CLCN3: variants seen among roughly 807,000 people sequenced by gnomAD.
The protein encoded by CLCN3 is H(+)/Cl(-) exchange transporter 3.
A neutral mutation model predicts 83.4 loss-of-function variants in CLCN3; 16 were observed. The ratio of observed to expected loss-of-function variants is 0.19; its 90% CI spans 0.13 to 0.29. The LOEUF (loss-of-function observed/expected upper bound fraction) is 0.29, where lower values mean the gene tolerates loss of function less well. CLCN3 is among the 10% of genes least tolerant of loss of function. The pLI is 1.00. For missense variants in CLCN3, 544 were observed against 1,006.0 expected (o/e 0.54, Z 6.21); for synonymous variants, 322 against 346.2 (o/e 0.93, Z 0.78).
intron 12 of CLCN3, among the ~76,000 whole-genome samples, chr4:169,717,426 A>C (rs982970064): frequency 5.3e-5 from 8 of 152,168 alleles, no homozygotes; most frequent in African/African-American, 1.9e-4. Flanking sequence ...TTTTCCTCTG[A>C]GGAAAGAACA....
intron 12 of CLCN3, 150 bp downstream of exon 12, chr4:169,713,445 T>C (rs539378837): frequency 3.3e-6 from 2 of 611,240 alleles, no homozygotes; most frequent in East Asian, 2.8e-5. Context: ...GATCAGTCAA[T>C]CAAATTTCAC....
At chr4:169,681,938 A>C (rs1731956555) in intron 3 of CLCN3, among the ~76,000 whole-genome samples, 1 of 152,210 alleles carries the variant, frequency 6.6e-6, no homozygotes, top group Admixed American at 6.5e-5. Context: ...AAGAAATTCA[A>C]CCTCATACAC....
chr4:169,706,798 C>T (rs954271839), intron 10 of CLCN3, 70 bp from the exon 11 acceptor site: 9 of 1,402,350 alleles, frequency 6.4e-6, no homozygotes, highest in Non-Finnish European at 8.8e-6. Context: ...CTGCCTAGTG[C>T]AAAAATTCTA....
Position 169,620,824 on chromosome 4 carries a change from A to G in CLCN3, c.-256A>G, listed in dbSNP as rs1773093226. On this transcript the variant is annotated 5_prime_UTR_variant, in exon 1 of 13. Coordinates refer to ENST00000513761, the MANE Select transcript of CLCN3 (RefSeq NM_001829.4). ...CTCTAGGGATCTCCAGAGCGAGAGGATTTAACTTCATGTTGCTCCCGTGTT... is the reference window on the plus strand; with the variant it reads ...CTCTAGGGATCTCCAGAGCGAGAGGGTTTAACTTCATGTTGCTCCCGTGTT... 1 of 398,622 alleles carries G rather than the reference A, an allele frequency of 2.5e-6. No homozygotes were observed. The highest frequency in any genetic ancestry group is 4.4e-6 in the Non-Finnish European group (1 of 226,066). 24.7% of individuals were successfully genotyped at this position (398,622 alleles called of 1,614,324 possible).
rs547160017 is a variant in CLCN3 at position 169,621,563 on chromosome 4, T to C, written c.-17+500T>C. On this transcript the variant is annotated intron_variant, in intron 1 of 12. Coordinates refer to ENST00000513761, the MANE Select transcript of CLCN3 (RefSeq NM_001829.4). ...GGAGCATATAGAAGATAATTACATA[T>C]GCATTGTGCATATTAGAAACTGAGA... is the stretch of plus-strand genomic sequence containing the variant. Among the ~76,000 whole-genome samples, 6 of 152,370 alleles carry C rather than the reference T, an allele frequency of 3.9e-5. No homozygotes were observed. The East Asian group carries it at 1.2e-3, about 29-fold the overall frequency.
intron 1 of CLCN3, among the ~76,000 whole-genome samples, chr4:169,628,177 A>G (rs80274072): frequency 0.034 from 5,170 of 152,316 alleles, 316 homozygotes; most frequent in African/African-American, 0.12. Flanking sequence ...TGGATCACAG[A>G]CTGAAATATA....
Position 169,689,234 on chromosome 4 carries a change from A to G in CLCN3, c.606+4A>G. On this transcript the variant is annotated splice_donor_region_variant and intron_variant, in intron 5 of 12. Coordinates refer to ENST00000513761, the MANE Select transcript of CLCN3 (RefSeq NM_001829.4). ...ATTAATCATAGGTCAAGCAGAGGTAAGTCTTGCTTTGTCTCAAGATGAATT... is the reference window on the plus strand; with the variant it reads ...ATTAATCATAGGTCAAGCAGAGGTAGGTCTTGCTTTGTCTCAAGATGAATT... 2 of 1,602,584 alleles carry G rather than the reference A, an allele frequency of 1.2e-6. No homozygotes were observed. Among genetic ancestry groups the G allele is most frequent in the Non-Finnish European group, 1.7e-6 (2 of 1,174,006 alleles).
At chr4:169,626,679 A>C (rs1773243849) in intron 1 of CLCN3, among the ~76,000 whole-genome samples, 2 of 152,212 alleles carry the variant, frequency 1.3e-5, no homozygotes, top group Non-Finnish European at 2.9e-5. Flanking sequence ...CCAACATTAT[A>C]CAAAAGACTG....
At chr4:169,706,780 A>G (rs1028375462) in intron 10 of CLCN3, 88 bp from the exon 11 acceptor site, 2 of 1,066,302 alleles carry the variant, frequency 1.9e-6, no homozygotes, top group Middle Eastern at 2.1e-4. Context: ...TTTGCCATTT[A>G]GTTTTAACTG....
At chr4:169,719,055 G>A (rs974654212) in intron 12 of CLCN3, among the ~76,000 whole-genome samples, 1 of 152,166 alleles carries the variant, frequency 6.6e-6, no homozygotes. Context: ...TGGGATTGAC[G>A]TTCTGTGCTG....
chr4:169,624,935 G>A (rs1773194792), intron 1 of CLCN3, among the ~76,000 whole-genome samples: 1 of 152,038 alleles, frequency 6.6e-6, no homozygotes, highest in South Asian at 2.1e-4. Flanking sequence ...GGGATTACAG[G>A]TGCCCGCCAC....
At chr4:169,657,471 C>CA (rs34773136) in intron 2 of CLCN3, among the ~76,000 whole-genome samples, 17,567 of 152,040 alleles carry the variant, frequency 0.12, 1,128 homozygotes, top group East Asian at 0.17. Context: ...GATTTAAAGG[C>CA]AAAAAATTGT....
In CLCN3 at chr4:169,663,562, A is replaced by G. The variant is rs773805512; in HGVS notation, c.161-16488A>G. 2.6e-5 allele frequency: 10 copies of G among 385,792 alleles called. 2 individuals are homozygous for G. Among genetic ancestry groups the G allele is most frequent in the African/African-American group, 1.1e-4 (5 of 45,002 alleles). 23.9% of individuals were successfully genotyped at this position (385,792 alleles called of 1,614,324 possible). Reference sequence around the variant, plus strand: ...ACTATGTTGTCCAGGCTGGTCTCCAACTCCTGGGCTCAAGCAACCCTCCTG... The same window carrying G: ...ACTATGTTGTCCAGGCTGGTCTCCAGCTCCTGGGCTCAAGCAACCCTCCTG... On this transcript the variant is annotated intron_variant, in intron 2 of 12. Coordinates refer to ENST00000513761, the MANE Select transcript of CLCN3 (RefSeq NM_001829.4).
intron 2 of CLCN3, among the ~76,000 whole-genome samples, chr4:169,644,119 T>C (rs949989112): frequency 6.6e-6 from 1 of 152,228 alleles, no homozygotes; most frequent in Non-Finnish European, 1.5e-5. Context: ...TCTACTTTGT[T>C]ACACAGAATA....
intron 1 of CLCN3, among the ~76,000 whole-genome samples, chr4:169,629,678 A>G (rs1007755808): frequency 1.3e-5 from 2 of 152,186 alleles, no homozygotes; most frequent in Admixed American, 6.5e-5. Flanking sequence ...GTCTAATGTG[A>G]CATATTTTGC....
chr4:169,666,200 A>G (rs1240600512), intron 2 of CLCN3, among the ~76,000 whole-genome samples: 1 of 152,218 alleles, frequency 6.6e-6, no homozygotes, highest in Non-Finnish European at 1.5e-5. Context: ...AAATATCAGT[A>G]TATACCAAGT....
At chr4:169,675,853 C>T (rs1298205705) in intron 2 of CLCN3, among the ~76,000 whole-genome samples, 1 of 152,014 alleles carries the variant, frequency 6.6e-6, no homozygotes, top group Non-Finnish European at 1.5e-5. Context: ...GAATCTGGGC[C>T]TTTTGGTAAC....
intron 2 of CLCN3, among the ~76,000 whole-genome samples, chr4:169,664,963 G>A (rs1731192104): frequency 6.6e-6 from 1 of 152,108 alleles, no homozygotes; most frequent in South Asian, 2.1e-4. Context: ...TTGTTTTTAA[G>A]TTAACATATG....
At chr4:169,624,522 G>A (rs530945016) in intron 1 of CLCN3, among the ~76,000 whole-genome samples, 1 of 152,226 alleles carries the variant, frequency 6.6e-6, no homozygotes, top group East Asian at 1.9e-4. Flanking sequence ...GCCCACCTCG[G>A]CATCCCAAAG....
Sources: allele counts gnomAD v4.1 joint callset (sites outside exome capture counted in the v4.1 genomes callset), GRCh38; gene constraint gnomAD v4.1.1; transcripts MANE v1.5; gene names NCBI Gene and HGNC (gene_info 2026-07-23, HGNC 2026-07-21).